Variants in SORCS3 observed in about 807,000 individuals in gnomAD.
The protein encoded by SORCS3 is VPS10 domain-containing receptor SorCS3.
In SORCS3, 57 loss-of-function variants were observed where a neutral mutation model predicts 146.3. The ratio of observed to expected loss-of-function variants is 0.39; its 90% CI spans 0.31 to 0.49. SORCS3 has a LOEUF of 0.49. Among genes scored for constraint, SORCS3 ranks in the 20% least tolerant of loss-of-function variants. The pLI, the probability that SORCS3 is intolerant of heterozygous loss-of-function variation, is 0.92. For missense variants in SORCS3, 1,341 were observed against 1,575.5 expected, an observed-to-expected ratio of 0.85 and a Z score of 2.52; for synonymous variants, 653 against 618.5, an observed-to-expected ratio of 1.06 and a Z score of -0.83.
chr10:105,050,128 C>T (rs1181508059), intron 5 of SORCS3, among the ~76,000 whole-genome samples: 1 of 151,966 alleles, frequency 6.6e-6, no homozygotes, highest in Non-Finnish European at 1.5e-5. Flanking sequence ...ATATTCCCAC[C>T]TGTAACATAT....
intron 3 of SORCS3, among the ~76,000 whole-genome samples, chr10:104,976,092 G>A (rs2054895625): frequency 6.6e-6 from 1 of 152,170 alleles, no homozygotes; most frequent in Admixed American, 6.6e-5. Context: ...CTTCTGCACA[G>A]TGAAAGAAAC....
chr10:104,749,159 A>G (rs998544199), intron 1 of SORCS3, among the ~76,000 whole-genome samples: 2 of 149,548 alleles, frequency 1.3e-5, no homozygotes, highest in African/African-American at 4.9e-5. Flanking sequence ...TTGTTTTCCA[A>G]CTCTGAGGAT....
chr10:104,987,068 A>G (rs2054966347), intron 4 of SORCS3, among the ~76,000 whole-genome samples: 1 of 152,152 alleles, frequency 6.6e-6, no homozygotes, highest in Non-Finnish European at 1.5e-5. Context: ...GCCTGTACGC[A>G]TTACATATTA....
At chr10:105,031,226 G>A (rs2055264354) in intron 4 of SORCS3, among the ~76,000 whole-genome samples, 1 of 151,724 alleles carries the variant, frequency 6.6e-6, no homozygotes, top group South Asian at 2.1e-4. Context: ...TTGAACCCAG[G>A]AGTTGGAGGT....
intron 1 of SORCS3, among the ~76,000 whole-genome samples, chr10:104,830,903 C>T (rs966157176): frequency 4.6e-5 from 7 of 152,168 alleles, no homozygotes; most frequent in East Asian, 1.9e-4. Context: ...CCTTGACCTC[C>T]TGGGCTCAAG....
intron 2 of SORCS3, among the ~76,000 whole-genome samples, chr10:104,852,819 C>A (rs977123542): frequency 6.6e-6 from 1 of 152,190 alleles, no homozygotes; most frequent in Admixed American, 6.5e-5. Context: ...CTGGCACTTA[C>A]TAATGAGCTT....
chr10:105,030,987 C>T (rs1172050613), intron 4 of SORCS3, among the ~76,000 whole-genome samples: 1 of 151,790 alleles, frequency 6.6e-6, no homozygotes, highest in East Asian at 2.0e-4. Context: ...CCACAACATT[C>T]AAGTACCTTT....
chr10:104,762,391 A>G (rs187394071), intron 1 of SORCS3, among the ~76,000 whole-genome samples: 1 of 152,352 alleles, frequency 6.6e-6, no homozygotes, highest in East Asian at 1.9e-4. Flanking sequence ...GCTGGGAAGC[A>G]GGAAACGCAT....
intron 21 of SORCS3, among the ~76,000 whole-genome samples, chr10:105,246,247 C>T (rs553988283): frequency 5.9e-5 from 9 of 152,270 alleles, no homozygotes; most frequent in Non-Finnish European, 1.3e-4. Flanking sequence ...AATGAAAGTG[C>T]CTCTACTGCC....
intron 2 of SORCS3, among the ~76,000 whole-genome samples, chr10:104,868,687 G>A (rs138308613): frequency 9.9e-4 from 151 of 152,270 alleles, no homozygotes; most frequent in African/African-American, 3.5e-3. Flanking sequence ...CTTCCTTCAG[G>A]GCACACATAG....
At chr10:105,005,089 G>A (rs2055086574) in intron 4 of SORCS3, among the ~76,000 whole-genome samples, 2 of 152,274 alleles carry the variant, frequency 1.3e-5, no homozygotes, top group African/African-American at 2.4e-5. Context: ...TTTCATATCT[G>A]TAAATTATAT....
chr10:105,189,302 C>T (rs1286746525), intron 14 of SORCS3, among the ~76,000 whole-genome samples: 3 of 152,168 alleles, frequency 2.0e-5, no homozygotes. Context: ...GGAGTAGGCT[C>T]ATTTCATCTT....
chr10:105,204,644 T>C (rs1037972948), intron 16 of SORCS3, among the ~76,000 whole-genome samples: 4 of 151,526 alleles, frequency 2.6e-5, no homozygotes, highest in African/African-American at 9.7e-5. Context: ...TTGAGTAAAG[T>C]AGAGAAGTAG....
intron 2 of SORCS3, among the ~76,000 whole-genome samples, chr10:104,868,527 T>C (rs1220596806): frequency 2.0e-5 from 3 of 152,232 alleles, no homozygotes; most frequent in Non-Finnish European, 4.4e-5. Flanking sequence ...AGCTAGTCCA[T>C]ACTCATGGCT....
At chr10:105,242,348 A>T (rs1311000967) in intron 20 of SORCS3, among the ~76,000 whole-genome samples, 1 of 127,640 alleles carries the variant, frequency 7.8e-6, no homozygotes, top group Non-Finnish European at 1.6e-5. Flanking sequence ...ATATATATTT[A>T]TACATATATT....
chr10:104,881,144 T>A (rs898430073), intron 2 of SORCS3, among the ~76,000 whole-genome samples: 16 of 152,216 alleles, frequency 1.1e-4, no homozygotes, highest in African/African-American at 3.9e-4. Flanking sequence ...AAAGGACAGA[T>A]GCTAGCATAC....
intron 5 of SORCS3, among the ~76,000 whole-genome samples, chr10:105,071,221 G>A (rs61867222): frequency 3.9e-5 from 6 of 152,078 alleles, no homozygotes; most frequent in Non-Finnish European, 7.4e-5. Context: ...TTTACTCCAA[G>A]AGTAAAGGCA....
chr10:104,822,074 T>C (rs1172839012), intron 1 of SORCS3: 3 of 518,116 alleles, frequency 5.8e-6, no homozygotes, highest in South Asian at 4.2e-5. Context: ...TTATTCCTTC[T>C]CTTAGTCCTG....
At chr10:104,836,896 A>G (rs375196758) in intron 1 of SORCS3, among the ~76,000 whole-genome samples, 8 of 152,150 alleles carry the variant, frequency 5.3e-5, no homozygotes, top group African/African-American at 1.9e-4. Context: ...AAAAAGAAAA[A>G]AAAGAAATAA....
Sources: gnomAD v4.1 joint callset for allele counts (sites outside exome capture counted in the v4.1 genomes callset) on GRCh38, gnomAD v4.1.1 for gene constraint, MANE v1.5 for transcripts, NCBI Gene and HGNC (gene_info 2026-07-23, HGNC 2026-07-21) for gene names.